Variants in PDE4D observed in about 807,000 individuals in gnomAD.
PDE4D encodes phosphodiesterase 4D, also known as 3',5'-cyclic-AMP phosphodiesterase 4D.
A neutral mutation model predicts 87.4 loss-of-function variants in PDE4D; 24 were observed. That is an observed-to-expected ratio of 0.27 (90% CI 0.20 to 0.39). The LOEUF (loss-of-function observed/expected upper bound fraction) is 0.39, where lower values mean the gene tolerates loss of function less well. Ranked by LOEUF, PDE4D falls within the 10% of genes least tolerant of loss-of-function variation. The probability of loss-of-function intolerance (pLI) is 1.00; values close to 1 mark genes in which losing one functional copy is unlikely to be tolerated. For synonymous variants in PDE4D, 384 were observed against 383.2 expected (o/e 1.00, Z -0.02); for missense variants, 714 against 1,041.0 (o/e 0.69, Z 4.32).
At chr5:59,292,773 G>T (rs1236451655) in intron 1 of PDE4D, among the ~76,000 whole-genome samples, 2 of 152,052 alleles carry the variant, frequency 1.3e-5, no homozygotes, top group Non-Finnish European at 2.9e-5. Context: ...ATAGCCCCAT[G>T]AGACGCTCAT....
At chr5:59,790,740 A>T (rs1765688821) in intron 1 of PDE4D, among the ~76,000 whole-genome samples, 1 of 151,308 alleles carries the variant, frequency 6.6e-6, no homozygotes, top group Non-Finnish European at 1.5e-5. Context: ...TTCCTTCTTT[A>T]TTGTTTCTCT....
chr5:59,108,161 A>G (rs532037174), intron 5 of PDE4D, among the ~76,000 whole-genome samples: 1 of 152,330 alleles, frequency 6.6e-6, no homozygotes, highest in South Asian at 2.1e-4. Flanking sequence ...GTTTATCAAC[A>G]TTTTAAATCA....
chr5:60,498,430 C>G (rs904932793), intron 1 of PDE4D, among the ~76,000 whole-genome samples: 13 of 152,180 alleles, frequency 8.5e-5, no homozygotes, highest in East Asian at 1.9e-4. Flanking sequence ...CATTGACTCT[C>G]TCTCCCAAAA....
intron 1 of PDE4D, among the ~76,000 whole-genome samples, chr5:59,814,354 T>G (rs555947678): frequency 6.6e-6 from 1 of 152,286 alleles, no homozygotes; most frequent in South Asian, 2.1e-4. Flanking sequence ...ACAGAACAAT[T>G]TGGCTGACCC....
At chr5:59,621,219 AT>A (rs1830316342) in intron 1 of PDE4D, among the ~76,000 whole-genome samples, 1 of 152,138 alleles carries the variant, frequency 6.6e-6, no homozygotes, top group South Asian at 2.1e-4. Context: ...TAGTTTTTCA[AT>A]TACCACCCTC....
intron 1 of PDE4D, among the ~76,000 whole-genome samples, chr5:59,332,563 A>C (rs1233500053): frequency 6.6e-6 from 1 of 152,182 alleles, no homozygotes; most frequent in African/African-American, 2.4e-5. Context: ...CACCTTAACA[A>C]ATTGACATTA....
In PDE4D at chr5:59,149,706, G is replaced by GTTTTTTTTTTT. The variant is rs76421367; in HGVS notation, c.808+30878_808+30888dup. Among the ~76,000 whole-genome samples, 17 of 69,264 alleles carry GTTTTTTTTTTT rather than the reference G, an allele frequency of 2.5e-4. 2 individuals are homozygous for GTTTTTTTTTTT. Among genetic ancestry groups the GTTTTTTTTTTT allele is most frequent in the Admixed American group, 4.0e-4 (2 of 5,008 alleles). 45.4% of individuals were successfully genotyped at this position (69,264 alleles called of 152,430 possible). On this transcript the variant is annotated intron_variant, in intron 5 of 14. Coordinates refer to ENST00000340635, the MANE Select transcript of PDE4D (RefSeq NM_001104631.2). ...TTTGCCTTTCTCCCTCTCTCCTCGA[G>GTTTTTTTTTTT]TTTTTTTTTTTTTTTTTTTTTTTTC...
chr5:59,159,651 A>G (rs941027300), intron 5 of PDE4D, among the ~76,000 whole-genome samples: 1 of 152,220 alleles, frequency 6.6e-6, no homozygotes, highest in Non-Finnish European at 1.5e-5. Context: ...GAACCCAGAA[A>G]AGTCAAGTAA....
Position 59,736,167 on chromosome 5 carries a change from A to G in PDE4D, c.455+157001T>C, listed in dbSNP as rs372809712. On this transcript the variant is annotated intron_variant, in intron 1 of 14. Coordinates refer to ENST00000340635, the MANE Select transcript of PDE4D (RefSeq NM_001104631.2). ...AAAAAAAAAGAAAACAAACCAACAG[A>G]TAAACATTGATTCATCAGGTAGATA... is the stretch of plus-strand genomic sequence containing the variant. 1.5e-4 allele frequency among the ~76,000 whole-genome samples: 23 copies of G among 152,066 alleles called. No individual in the cohort carries two copies. The East Asian group carries it at 3.7e-3, about 24-fold the overall frequency.
chr5:59,645,711 C>T (rs1457994519), intron 1 of PDE4D, among the ~76,000 whole-genome samples: 1 of 152,140 alleles, frequency 6.6e-6, no homozygotes, highest in Non-Finnish European at 1.5e-5. Flanking sequence ...GTGAAGGAGA[C>T]ACAATGTTCA....
At position 59,019,576 on chromosome 5, in the gene PDE4D, C is replaced by T. The variant is rs145550708; in HGVS notation, c.921+19283G>A. Among the ~76,000 whole-genome samples, 33 of 152,246 alleles carry T rather than the reference C, an allele frequency of 2.2e-4. No homozygotes were observed. In the East Asian group the frequency reaches 5.8e-3, roughly 27 times the overall value. On this transcript the variant is annotated intron_variant, in intron 6 of 14. Coordinates refer to ENST00000340635, the MANE Select transcript of PDE4D (RefSeq NM_001104631.2). ...CCTCCAGAATGCCCACTACCCTCCT[C>T]TCCAGCAAACATACAATAAAGCGAA... is the stretch of plus-strand genomic sequence containing the variant.
chr5:60,013,650 C>A (rs1765232840), intron 2 of PDE4D, among the ~76,000 whole-genome samples: 1 of 152,194 alleles, frequency 6.6e-6, no homozygotes, highest in East Asian at 1.9e-4. Context: ...CCAAACTACT[C>A]TGTGTGAGAG....
At chr5:59,656,293 C>T (rs901291539) in intron 1 of PDE4D, among the ~76,000 whole-genome samples, 5 of 152,114 alleles carry the variant, frequency 3.3e-5, no homozygotes, top group African/African-American at 1.2e-4. Flanking sequence ...TATATACACA[C>T]TCACAGAAGG....
chr5:59,937,437 G>A (rs185816871), intron 3 of PDE4D, among the ~76,000 whole-genome samples: 4 of 152,278 alleles, frequency 2.6e-5, no homozygotes, highest in South Asian at 4.1e-4. Context: ...CATAGAATGG[G>A]TAGTTAAACA....
At chr5:59,044,917 T>C (rs1040169466) in intron 5 of PDE4D, among the ~76,000 whole-genome samples, 2 of 152,214 alleles carry the variant, frequency 1.3e-5, no homozygotes, top group African/African-American at 4.8e-5. Flanking sequence ...GAAATAAACA[T>C]GAGGTTGGCT....
rs78273081 is a variant in PDE4D at position 59,704,664 on chromosome 5, T to C, written c.455+188504A>G. Among the ~76,000 whole-genome samples, 719 of 152,318 alleles carry C rather than the reference T, an allele frequency of 4.7e-3. 33 individuals are homozygous for C. The East Asian group carries it at 0.12, about 26-fold the overall frequency. On this transcript the variant is annotated intron_variant, in intron 1 of 14. Coordinates refer to ENST00000340635, the MANE Select transcript of PDE4D (RefSeq NM_001104631.2). ...TGAGATTAACTGGTATTTTCTGTTG[T>C]TCAAAAAACTACTTTTCCCCTTTTT...
chr5:59,498,905 G>T (rs1807726586), intron 1 of PDE4D, among the ~76,000 whole-genome samples: 2 of 151,968 alleles, frequency 1.3e-5, no homozygotes, highest in African/African-American at 4.8e-5. Context: ...TAATAAATTT[G>T]ATAGTTGGCC....
intron 1 of PDE4D, among the ~76,000 whole-genome samples, chr5:59,293,708 G>A (rs1768497087): frequency 6.6e-6 from 1 of 152,138 alleles, no homozygotes; most frequent in South Asian, 2.1e-4. Flanking sequence ...TAATAACAAG[G>A]CCTCAGTAAT....
chr5:59,922,497 A>G (rs1754782138), intron 3 of PDE4D, among the ~76,000 whole-genome samples: 1 of 152,072 alleles, frequency 6.6e-6, no homozygotes, highest in South Asian at 2.1e-4. Context: ...TTGTCTTGCA[A>G]TTTGGATACC....
Sources: allele counts gnomAD v4.1 joint callset (sites outside exome capture counted in the v4.1 genomes callset), GRCh38; gene constraint gnomAD v4.1.1; transcripts MANE v1.5; gene names NCBI Gene and HGNC (gene_info 2026-07-23, HGNC 2026-07-21).